MEOX2: variants seen among roughly 807,000 people sequenced by gnomAD.
MEOX2 encodes the protein homeobox protein MOX-2.
A neutral mutation model predicts 27.0 loss-of-function variants in MEOX2; 11 were observed. The observed-to-expected ratio is 0.41, with a 90% CI of 0.26 to 0.68. The LOEUF is 0.68. Ranked by LOEUF, MEOX2 falls within the 30% of genes least tolerant of loss-of-function variation. The pLI is 0.33. For missense variants in MEOX2, 436 were observed against 385.4 expected, an observed-to-expected ratio of 1.13 and a Z score of -1.10; for synonymous variants, 189 against 155.4, an observed-to-expected ratio of 1.22 and a Z score of -1.61.
chr7:15,616,520 TATAA>T (rs1372762637), intron 2 of MEOX2, among the ~76,000 whole-genome samples: 1 of 151,928 alleles, frequency 6.6e-6, no homozygotes, highest in Admixed American at 6.6e-5. Flanking sequence ...GTAGTCAATT[TATAA>T]ATAGAGACTT....
chr7:15,652,664 G>T (rs776711217), intron 1 of MEOX2, among the ~76,000 whole-genome samples: 21 of 151,868 alleles, frequency 1.4e-4, no homozygotes, highest in Non-Finnish European at 2.5e-4. Flanking sequence ...CTCTATTTCT[G>T]CAAGTTCTCT....
Position 15,626,790 on chromosome 7 carries a change from T to G in MEOX2, c.646A>C (p.Arg216=), listed in dbSNP as rs1354466244. ...FAHHNYLTRL[R]RYEIAVNLDL... ...AGATTCACTGCTATCTCGTATCGCC[T>G]CAGTCTGGTGAGATAATTATGATGG... Residue 216 remains arginine (R), a synonymous_variant, in exon 2 of 3, where the codon AGG becomes CGG. Transcript: ENST00000262041. 6 of 1,609,334 alleles carry G rather than the reference T, an allele frequency of 3.7e-6. No individual in the cohort carries two copies. The highest frequency in any genetic ancestry group is 4.2e-6 in the Non-Finnish European group (5 of 1,178,318).
At chr7:15,614,481 T>C (rs1156828692) in intron 2 of MEOX2, among the ~76,000 whole-genome samples, 3 of 152,044 alleles carry the variant, frequency 2.0e-5, no homozygotes, top group East Asian at 3.9e-4. Context: ...TTTTAGTATA[T>C]AGTCTGAAGA....
chr7:15,639,732 A>G lies in MEOX2; in HGVS notation c.518-12814T>C, dbSNP rs182198201. Among the ~76,000 whole-genome samples, 261 of 151,996 alleles carry G rather than the reference A, an allele frequency of 1.7e-3. 1 individual carries two copies. The highest frequency in any genetic ancestry group is 6.0e-3 in the African/African-American group (247 of 41,472). Reference sequence around the variant, plus strand: ...TTATTAAAAACGGTGTCTTTTCTCCATGTTTATTTTTGTTGACTTTGTTGG... The same window carrying G: ...TTATTAAAAACGGTGTCTTTTCTCCGTGTTTATTTTTGTTGACTTTGTTGG... On this transcript the variant is annotated intron_variant, in intron 1 of 2. Coordinates refer to ENST00000262041, the MANE Select transcript of MEOX2 (RefSeq NM_005924.5).
At chr7:15,656,605 C>G (rs1262144866) in intron 1 of MEOX2, among the ~76,000 whole-genome samples, 1 of 151,718 alleles carries the variant, frequency 6.6e-6, no homozygotes, top group Admixed American at 6.6e-5. Context: ...AACCTGACCT[C>G]CCTTTATTCC....
chr7:15,667,960 A>C (rs1449101407), intron 1 of MEOX2: 1 of 152,210 alleles, frequency 6.6e-6, no homozygotes. Context: ...ACACAGTTAA[A>C]CAACAGATCC....
chr7:15,667,153 T>G (rs1782020985), intron 1 of MEOX2, among the ~76,000 whole-genome samples: 1 of 150,926 alleles, frequency 6.6e-6, no homozygotes, highest in Admixed American at 6.6e-5. Context: ...TAGCTGGGTG[T>G]GGTGGCACAC....
intron 1 of MEOX2, among the ~76,000 whole-genome samples, chr7:15,639,426 G>T (rs1405644922): frequency 6.6e-6 from 1 of 151,854 alleles, no homozygotes; most frequent in African/African-American, 2.4e-5. Context: ...CAGTTTCTAG[G>T]TTTTCTGATT....
chr7:15,656,062 ATCT>A (rs1356095359), intron 1 of MEOX2, among the ~76,000 whole-genome samples: 1 of 151,828 alleles, frequency 6.6e-6, no homozygotes, highest in Non-Finnish European at 1.5e-5. Context: ...GGATACCTAC[ATCT>A]TCTCAATGAA....
At chr7:15,669,015 C>T (rs1434887644) in intron 1 of MEOX2, among the ~76,000 whole-genome samples, 1 of 152,160 alleles carries the variant, frequency 6.6e-6, no homozygotes, top group Non-Finnish European at 1.5e-5. Context: ...AACAATAGCA[C>T]CATTTCTTAA....
chr7:15,620,368 C>T (rs577602455), intron 2 of MEOX2, among the ~76,000 whole-genome samples: 2 of 152,252 alleles, frequency 1.3e-5, no homozygotes, highest in South Asian at 4.1e-4. Context: ...TAAATGTATA[C>T]ATTTGTAGAA....
At chr7:15,662,496 A>C (rs1411239346) in intron 1 of MEOX2, among the ~76,000 whole-genome samples, 2 of 152,090 alleles carry the variant, frequency 1.3e-5, no homozygotes, top group Non-Finnish European at 2.9e-5. Context: ...AGAACTTTTG[A>C]ATGATACTAG....
chr7:15,642,352 A>G (rs1368335254), intron 1 of MEOX2, among the ~76,000 whole-genome samples: 2 of 152,110 alleles, frequency 1.3e-5, no homozygotes, highest in Non-Finnish European at 2.9e-5. Flanking sequence ...GAGATAATTC[A>G]AAAGTACAGT....
At chr7:15,616,533 T>G (rs1781125913) in intron 2 of MEOX2, among the ~76,000 whole-genome samples, 1 of 151,894 alleles carries the variant, frequency 6.6e-6, no homozygotes. Flanking sequence ...AAATAGAGAC[T>G]TCATAGTATA....
chr7:15,666,929 G>A (rs1161496218), intron 1 of MEOX2, among the ~76,000 whole-genome samples: 2 of 150,690 alleles, frequency 1.3e-5, no homozygotes, highest in African/African-American at 4.9e-5. Context: ...GGTCCCTTAT[G>A]TTTTTCTTCA....
At chr7:15,661,573 G>A (rs1390002409) in intron 1 of MEOX2, among the ~76,000 whole-genome samples, 1 of 152,128 alleles carries the variant, frequency 6.6e-6, no homozygotes, top group Non-Finnish European at 1.5e-5. Context: ...TGAAGGAGTG[G>A]GGAGATGAAT....
chr7:15,619,683 C>T (rs553968482), intron 2 of MEOX2, among the ~76,000 whole-genome samples: 9 of 151,908 alleles, frequency 5.9e-5, no homozygotes, highest in African/African-American at 2.2e-4. Flanking sequence ...CATCTCCTTA[C>T]CTCTAACTAT....
chr7:15,642,488 AT>A (rs1397485139), intron 1 of MEOX2, among the ~76,000 whole-genome samples: 3 of 151,896 alleles, frequency 2.0e-5, no homozygotes, highest in Non-Finnish European at 4.4e-5. Context: ...TCTTTAATAT[AT>A]CTATCTTGCC....
intron 1 of MEOX2, among the ~76,000 whole-genome samples, chr7:15,672,579 T>C (rs998451336): frequency 2.0e-5 from 3 of 152,170 alleles, no homozygotes; most frequent in Non-Finnish European, 2.9e-5. Context: ...CAATCAAAGG[T>C]ATTTCACTTT....
Sources: allele counts gnomAD v4.1 joint callset (sites outside exome capture counted in the v4.1 genomes callset), GRCh38; gene constraint gnomAD v4.1.1; transcripts MANE v1.5; gene names NCBI Gene and HGNC (gene_info 2026-07-23, HGNC 2026-07-21).